NDFIP2: variants seen among roughly 807,000 people sequenced by gnomAD.
NDFIP2 encodes NEDD4 family-interacting protein 2.
A neutral mutation model predicts 36.0 loss-of-function variants in NDFIP2; 19 were observed. The observed-to-expected ratio is 0.53, with a 90% CI of 0.37 to 0.77. The LOEUF is 0.77. Ranked by LOEUF, NDFIP2 falls within the 30% of genes least tolerant of loss-of-function variation. NDFIP2 has a pLI of 0.00. For synonymous variants in NDFIP2, 181 were observed against 167.7 expected (o/e 1.08, Z -0.61); for missense variants, 446 against 435.8 (o/e 1.02, Z -0.21).
At chr13:79,508,105 T>C (rs1021322962) in intron 1 of NDFIP2, among the ~76,000 whole-genome samples, 12 of 152,256 alleles carry the variant, frequency 7.9e-5, no homozygotes, top group African/African-American at 2.9e-4. Flanking sequence ...TTAATACAGA[T>C]CTAATTAGTC....
chr13:79,490,738 C>T (rs1350068574), intron 1 of NDFIP2, among the ~76,000 whole-genome samples: 4 of 152,080 alleles, frequency 2.6e-5, no homozygotes, highest in East Asian at 1.9e-4. Flanking sequence ...TGTTGAAGGA[C>T]GCTTCTAAGA....
intron 1 of NDFIP2, among the ~76,000 whole-genome samples, chr13:79,510,201 T>C (rs1228476090): frequency 1.3e-5 from 2 of 151,202 alleles, no homozygotes; most frequent in Non-Finnish European, 2.9e-5. Flanking sequence ...AAGAGTGTAC[T>C]TTTTTTTTGA....
Position 79,520,826 on chromosome 13 carries a change from A to T in NDFIP2, c.338A>T (p.Asp113Val). ...TTCTCTTAGCTTCTTAATGAAGAGGATAACTCAGAATCATCGGCTATAGAG... is the reference window on the plus strand; with the variant it reads ...TTCTCTTAGCTTCTTAATGAAGAGGTTAACTCAGAATCATCGGCTATAGAG... ...GRYQVLLNEE[D>V]NSESSAIEQP... Residue 113 changes from aspartate (D) to valine (V), a missense_variant, in exon 2 of 8, where the codon GAT becomes GTT. Asp to Val is a radical substitution (Grantham distance 152). Transcript: ENST00000218652. 6.2e-7 allele frequency: 1 copy of T among 1,612,010 alleles called. No individual in the cohort carries two copies. Among genetic ancestry groups the T allele is most frequent in the Non-Finnish European group, 8.5e-7 (1 of 1,178,692 alleles).
intron 4 of NDFIP2, 125 bp from the exon 5 acceptor site, chr13:79,543,433 T>A: frequency 8.1e-7 from 1 of 1,239,748 alleles, no homozygotes; most frequent in East Asian, 2.4e-5. Context: ...TAAAGAAGGC[T>A]TAATTGGCAG....
intron 1 of NDFIP2, among the ~76,000 whole-genome samples, chr13:79,498,465 C>G (rs913947804): frequency 1.3e-5 from 2 of 151,868 alleles, no homozygotes; most frequent in African/African-American, 4.8e-5. Context: ...TTCTTCTGTC[C>G]TAGTCTGATT....
intron 3 of NDFIP2, among the ~76,000 whole-genome samples, chr13:79,534,475 C>CT (rs2137102841): frequency 6.8e-6 from 1 of 146,722 alleles, no homozygotes; most frequent in African/African-American, 2.5e-5. Flanking sequence ...GTGTATTACT[C>CT]TTTGCTCTGG....
chr13:79,548,760 T>G lies in NDFIP2; in HGVS notation c.907+366T>G, dbSNP rs553081627. On this transcript the variant is annotated intron_variant, in intron 6 of 7. Coordinates refer to ENST00000218652, the MANE Select transcript of NDFIP2 (RefSeq NM_019080.3). ...TAGTTTGGTTGTTCTATCTGTTCTCTTATTTTTTGATCATGGAAACATTCT... is the reference window on the plus strand; with the variant it reads ...TAGTTTGGTTGTTCTATCTGTTCTCGTATTTTTTGATCATGGAAACATTCT... Among the ~76,000 whole-genome samples, 104 of 152,136 alleles carry G rather than the reference T, an allele frequency of 6.8e-4. 3 individuals are homozygous for G. In the Middle Eastern group the frequency reaches 0.048, roughly 71 times the overall value.
In NDFIP2 at chr13:79,547,381, C is replaced by T. The variant is rs891826304; in HGVS notation, c.841-947C>T. 3.3e-5 allele frequency among the ~76,000 whole-genome samples: 5 copies of T among 152,210 alleles called. No individual in the cohort carries two copies. The East Asian group carries it at 5.8e-4, about 18-fold the overall frequency. On this transcript the variant is annotated intron_variant, in intron 5 of 7. Coordinates refer to ENST00000218652, the MANE Select transcript of NDFIP2 (RefSeq NM_019080.3). Reference sequence around the variant, plus strand: ...CATTTAGTGGAATCATTTTTAGTTACATCAGATTCAGTTTGCAGACCAGTG... The same window carrying T: ...CATTTAGTGGAATCATTTTTAGTTATATCAGATTCAGTTTGCAGACCAGTG...
chr13:79,524,588 A>G (rs1434227330), intron 2 of NDFIP2, among the ~76,000 whole-genome samples: 1 of 152,218 alleles, frequency 6.6e-6, no homozygotes, highest in Non-Finnish European at 1.5e-5. Flanking sequence ...TTTCATTTTC[A>G]TAGCAAACAG....
rs1876026158 is a variant in NDFIP2 at position 79,554,360 on chromosome 13, TAAATG to T, written c.*1852_*1856del. On this transcript the variant is annotated 3_prime_UTR_variant, in exon 8 of 8. Coordinates refer to ENST00000218652, the MANE Select transcript of NDFIP2 (RefSeq NM_019080.3). ...TGTACTTTATTCTTTCAATAATTTT[TAAATG>T]AAATTAAGCTTTGCTACATGGTAAT... 1 of 151,856 alleles carries T rather than the reference TAAATG, an allele frequency of 6.6e-6. No individual in the cohort carries two copies. Among genetic ancestry groups the T allele is most frequent in the East Asian group, 1.9e-4 (1 of 5,198 alleles). 9.4% of individuals were successfully genotyped at this position (151,856 alleles called of 1,614,324 possible).
At chr13:79,507,049 A>G (rs893965261) in intron 1 of NDFIP2, among the ~76,000 whole-genome samples, 6 of 152,086 alleles carry the variant, frequency 3.9e-5, no homozygotes, top group African/African-American at 1.4e-4. Flanking sequence ...TGAAAGATGA[A>G]GTTGAGTGCT....
At chr13:79,540,762 C>T (rs1356246467) in intron 4 of NDFIP2, among the ~76,000 whole-genome samples, 1 of 152,192 alleles carries the variant, frequency 6.6e-6, no homozygotes, top group Non-Finnish European at 1.5e-5. Flanking sequence ...CTTCTATTTT[C>T]ATCTGCTGAA....
chr13:79,500,568 A>G (rs1042651588), intron 1 of NDFIP2, among the ~76,000 whole-genome samples: 2 of 152,062 alleles, frequency 1.3e-5, no homozygotes, highest in Non-Finnish European at 2.9e-5. Context: ...TAAGCAAATG[A>G]AAAGATACTC....
In NDFIP2 at chr13:79,483,100, GC is replaced by G. The variant is rs2079825035; in HGVS notation, c.321+1577del. Among the ~76,000 whole-genome samples, 3 of 152,080 alleles carry G rather than the reference GC, an allele frequency of 2.0e-5. No homozygotes were observed. In the South Asian group the frequency reaches 6.2e-4, roughly 32 times the overall value. ...TCAAAATAAATGGGCATATTTTATT[GC>G]TGCCCCCTCCCCTCGTTTTTTTCAA... is the stretch of plus-strand genomic sequence containing the variant. On this transcript the variant is annotated intron_variant, in intron 1 of 7. Transcript: ENST00000218652.
chr13:79,481,447 GACT>G lies in NDFIP2; in HGVS notation c.245_247del (p.Asp82_Ser83delinsAla). On this transcript the variant is annotated inframe_deletion, in exon 1 of 8. Coordinates refer to ENST00000218652, the MANE Select transcript of NDFIP2 (RefSeq NM_019080.3). ...GGCCGTGGGAGCTGAGCACGGAGAA[GACT>G]CCCTCTCTCGGAAGCCGGATCCCGA... The G allele has an allele frequency of 6.4e-7, 1 of 1,562,508 alleles. No individual in the cohort carries two copies. Among genetic ancestry groups the G allele is most frequent in the South Asian group, 1.2e-5 (1 of 84,854 alleles).
intron 1 of NDFIP2, among the ~76,000 whole-genome samples, chr13:79,518,163 A>G (rs1414523289): frequency 6.6e-6 from 1 of 152,224 alleles, no homozygotes; most frequent in Admixed American, 6.5e-5. Flanking sequence ...GGTAATACCA[A>G]GTGCAACATG....
At chr13:79,539,843 T>C (rs1328870260) in intron 4 of NDFIP2, 68 bp downstream of exon 4, 4 of 1,306,842 alleles carry the variant, frequency 3.1e-6, no homozygotes, top group African/African-American at 1.5e-5. Context: ...TAAAGTAACA[T>C]AGTGAAGAGA....
At chr13:79,482,510 A>C (rs1340655336) in intron 1 of NDFIP2, among the ~76,000 whole-genome samples, 1 of 152,086 alleles carries the variant, frequency 6.6e-6, no homozygotes, top group African/African-American at 2.4e-5. Context: ...CCATTTACTG[A>C]GGGAGAGGAG....
intron 1 of NDFIP2, among the ~76,000 whole-genome samples, chr13:79,519,417 CATCTT>C (rs1289114026): frequency 6.6e-6 from 1 of 152,120 alleles, no homozygotes; most frequent in Non-Finnish European, 1.5e-5. Context: ...GCCTTTGACT[CATCTT>C]AGTTTGTCTG....
Sources: allele counts gnomAD v4.1 joint callset (sites outside exome capture counted in the v4.1 genomes callset), GRCh38; gene constraint gnomAD v4.1.1; transcripts MANE v1.5; gene names NCBI Gene and HGNC (gene_info 2026-07-23, HGNC 2026-07-21).